The following RAPGEF5 variants were observed in gnomAD, a reference collection of about 807,000 sequenced individuals.
RAPGEF5 encodes the protein M-Ras-regulated GEF.
In RAPGEF5, 65 loss-of-function variants were observed where a neutral mutation model predicts 125.2. That is an observed-to-expected ratio of 0.52 (90% CI 0.43 to 0.64). RAPGEF5 has a LOEUF of 0.64. Ranked by LOEUF, RAPGEF5 falls within the 30% of genes least tolerant of loss-of-function variation. The pLI is 0.00. For synonymous variants in RAPGEF5, 391 were observed against 385.9 expected (o/e 1.01, Z -0.16); for missense variants, 958 against 1,048.1 (o/e 0.91, Z 1.19).
chr7:22,267,088 G>C, intron 6 of RAPGEF5, 76 bp from the exon 7 acceptor site: 1 of 1,362,208 alleles, frequency 7.3e-7, no homozygotes, highest in South Asian at 1.4e-5. Context: ...TTTGTTCTTA[G>C]ATATCCAACC....
At chr7:22,214,994 G>A (rs956791616) in intron 9 of RAPGEF5, among the ~76,000 whole-genome samples, 3 of 152,104 alleles carry the variant, frequency 2.0e-5, no homozygotes, top group Admixed American at 2.0e-4. Context: ...ATCTTCCTTA[G>A]GAAAAGTTAG....
chr7:22,354,723 G>C (rs7778401), intron 1 of RAPGEF5, among the ~76,000 whole-genome samples: 1 of 151,932 alleles, frequency 6.6e-6, no homozygotes, highest in East Asian at 1.9e-4. Flanking sequence ...CTTCCTCTGC[G>C]TTTACCAAGG....
At chr7:22,330,614 A>G (rs542209862) in intron 1 of RAPGEF5, among the ~76,000 whole-genome samples, 6 of 152,236 alleles carry the variant, frequency 3.9e-5, no homozygotes, top group Non-Finnish European at 8.8e-5. Context: ...TTCTCTTGCC[A>G]TTAACCTCTG....
At chr7:22,337,250 T>C (rs1397061139) in intron 1 of RAPGEF5, among the ~76,000 whole-genome samples, 3 of 152,098 alleles carry the variant, frequency 2.0e-5, no homozygotes, top group African/African-American at 4.8e-5. Flanking sequence ...CATAGAGGTG[T>C]GGAAAATGGT....
intron 6 of RAPGEF5, 24 bp downstream of exon 6, chr7:22,291,151 G>A: frequency 6.4e-7 from 1 of 1,564,614 alleles, no homozygotes; most frequent in Non-Finnish European, 8.6e-7. Context: ...TGCACCCCTA[G>A]GCAGGAAAAT....
chr7:22,286,172 C>T (rs1322777270), intron 6 of RAPGEF5, among the ~76,000 whole-genome samples: 1 of 152,154 alleles, frequency 6.6e-6, no homozygotes, highest in African/African-American at 2.4e-5. Context: ...AATTCCCCCC[C>T]ACCACCACCG....
At chr7:22,257,618 C>T (rs1045307121) in intron 7 of RAPGEF5, among the ~76,000 whole-genome samples, 1 of 152,210 alleles carries the variant, frequency 6.6e-6, no homozygotes, top group Admixed American at 6.5e-5. Flanking sequence ...TGCCATTGTT[C>T]CTTCACATCC....
intron 9 of RAPGEF5, among the ~76,000 whole-genome samples, chr7:22,208,223 G>A (rs965934828): frequency 6.6e-6 from 1 of 152,086 alleles, no homozygotes; most frequent in Non-Finnish European, 1.5e-5. Flanking sequence ...GTGAATGAAG[G>A]TAAGAATAAA....
At chr7:22,303,013 A>G (rs1783248528) in intron 5 of RAPGEF5, among the ~76,000 whole-genome samples, 1 of 151,790 alleles carries the variant, frequency 6.6e-6, no homozygotes. Context: ...AGCCCTACCC[A>G]CTCCCACCCC....
intron 6 of RAPGEF5, among the ~76,000 whole-genome samples, chr7:22,289,216 T>C (rs1782872573): frequency 6.6e-6 from 1 of 152,264 alleles, no homozygotes; most frequent in Non-Finnish European, 1.5e-5. Flanking sequence ...TCTTATCTTC[T>C]TGGTGTGGCT....
chr7:22,267,143 C>A, intron 6 of RAPGEF5, 131 bp from the exon 7 acceptor site: 1 of 838,336 alleles, frequency 1.2e-6, no homozygotes, highest in Non-Finnish European at 1.8e-6. Context: ...GCTGCCAGCA[C>A]TTTTTTGATT....
intron 24 of RAPGEF5, among the ~76,000 whole-genome samples, chr7:22,126,775 G>C (rs964918219): frequency 6.0e-5 from 9 of 150,484 alleles, no homozygotes; most frequent in African/African-American, 2.2e-4. Flanking sequence ...ATCATACCTG[G>C]CTAATTTTGG....
intron 1 of RAPGEF5, among the ~76,000 whole-genome samples, chr7:22,329,135 T>G (rs1401881370): frequency 3.9e-5 from 6 of 152,232 alleles, no homozygotes; most frequent in Admixed American, 3.9e-4. Context: ...ATTTTTAATT[T>G]TAATCAAACT....
At chr7:22,344,352 G>C (rs1488882921) in intron 1 of RAPGEF5, among the ~76,000 whole-genome samples, 1 of 152,186 alleles carries the variant, frequency 6.6e-6, no homozygotes, top group Non-Finnish European at 1.5e-5. Flanking sequence ...GAGGCCCAAG[G>C]AGATGCTACA....
chr7:22,191,827 T>C (rs1349543192), intron 11 of RAPGEF5, among the ~76,000 whole-genome samples: 1 of 152,090 alleles, frequency 6.6e-6, no homozygotes, highest in African/African-American at 2.4e-5. Context: ...CTAATGACAA[T>C]TAAAAAGAAA....
At chr7:22,122,667 C>A (rs754225135) in intron 25 of RAPGEF5, 146 bp from the exon 26 acceptor site, 1 of 613,098 alleles carries the variant, frequency 1.6e-6, no homozygotes, top group Non-Finnish European at 2.9e-6. Flanking sequence ...CCTTGTCCTA[C>A]AGTAGAAATG....
At chr7:22,151,323 G>C (rs1783618579) in intron 17 of RAPGEF5, among the ~76,000 whole-genome samples, 1 of 152,020 alleles carries the variant, frequency 6.6e-6, no homozygotes, top group African/African-American at 2.4e-5. Context: ...CTAGGTCAAA[G>C]GGAATGAATA....
chr7:22,306,106 CT>C (rs1783333475), intron 5 of RAPGEF5, among the ~76,000 whole-genome samples: 1 of 152,140 alleles, frequency 6.6e-6, no homozygotes, highest in African/African-American at 2.4e-5. Flanking sequence ...TCAATTTTTA[CT>C]TTTTTGAGAA....
chr7:22,356,198 C>A, intron 1 of RAPGEF5: 4 of 985,530 alleles, frequency 4.1e-6, no homozygotes, highest in Non-Finnish European at 4.8e-6. Flanking sequence ...GAAATCGTAT[C>A]TGAACACACC....
Sources: gnomAD v4.1 joint callset for allele counts (sites outside exome capture counted in the v4.1 genomes callset) on GRCh38, gnomAD v4.1.1 for gene constraint, MANE v1.5 for transcripts, NCBI Gene and HGNC (gene_info 2026-07-23, HGNC 2026-07-21) for gene names.